The following SLC9A9 variants were observed in gnomAD, a reference collection of about 807,000 sequenced individuals.
SLC9A9 encodes the protein solute carrier family 9 member A9.
A neutral mutation model predicts 77.8 loss-of-function variants in SLC9A9; 62 were observed. The observed-to-expected ratio is 0.80, with a 90% CI of 0.65 to 0.98. The LOEUF is 0.98. SLC9A9 is among the 50% of genes least tolerant of loss of function. The probability of loss-of-function intolerance (pLI) is 0.00; values close to 1 mark genes in which losing one functional copy is unlikely to be tolerated. For synonymous variants in SLC9A9, 320 were observed against 283.5 expected, an observed-to-expected ratio of 1.13 and a Z score of -1.29; for missense variants, 775 against 774.9, an observed-to-expected ratio of 1.00 and a Z score of 0.00.
At chr3:143,292,254 A>G (rs2030029977) in intron 14 of SLC9A9, among the ~76,000 whole-genome samples, 1 of 152,254 alleles carries the variant, frequency 6.6e-6, no homozygotes, top group South Asian at 2.1e-4. Context: ...ACTTCAGGTC[A>G]GGTTTGACCT....
At chr3:143,791,939 A>AT (rs1290191903) in intron 4 of SLC9A9, among the ~76,000 whole-genome samples, 1 of 152,140 alleles carries the variant, frequency 6.6e-6, no homozygotes, top group African/African-American at 2.4e-5. Flanking sequence ...ATACAATTTC[A>AT]TTTTTTTGGT....
chr3:143,425,759 A>C (rs909389891), intron 12 of SLC9A9, among the ~76,000 whole-genome samples: 2 of 152,192 alleles, frequency 1.3e-5, no homozygotes, highest in African/African-American at 4.8e-5. Context: ...ATAGCCTCTG[A>C]CAAGGCCTTT....
chr3:143,640,763 G>A (rs1371635927), intron 6 of SLC9A9, among the ~76,000 whole-genome samples: 8 of 152,070 alleles, frequency 5.3e-5, no homozygotes, highest in African/African-American at 1.9e-4. Flanking sequence ...GAGGTGGGAG[G>A]ATCCCTTGAA....
intron 13 of SLC9A9, among the ~76,000 whole-genome samples, chr3:143,366,387 G>C (rs1447355171): frequency 6.6e-6 from 1 of 152,190 alleles, no homozygotes; most frequent in African/African-American, 2.4e-5. Flanking sequence ...CACACCACTA[G>C]AAGGTAACAA....
chr3:143,780,769 A>C (rs1221239522), intron 4 of SLC9A9, among the ~76,000 whole-genome samples: 1 of 152,238 alleles, frequency 6.6e-6, no homozygotes, highest in African/African-American at 2.4e-5. Context: ...AAGTGGACAG[A>C]GTCCTAGATT....
At chr3:143,374,063 C>A (rs535363909) in intron 13 of SLC9A9, among the ~76,000 whole-genome samples, 4 of 151,800 alleles carry the variant, frequency 2.6e-5, no homozygotes, top group African/African-American at 9.7e-5. Flanking sequence ...TTTAAAGCAA[C>A]CAGGGAAAGA....
At chr3:143,714,137 C>T (rs990394185) in intron 4 of SLC9A9, among the ~76,000 whole-genome samples, 2 of 152,166 alleles carry the variant, frequency 1.3e-5, no homozygotes, top group Non-Finnish European at 2.9e-5. Flanking sequence ...TTAACTCCTC[C>T]GAATTGGGAC....
intron 12 of SLC9A9, among the ~76,000 whole-genome samples, chr3:143,419,125 G>A (rs1576484515): frequency 6.6e-6 from 1 of 152,150 alleles, no homozygotes. Flanking sequence ...TGTGACTTTG[G>A]TTACTATATT....
chr3:143,730,823 C>T (rs1014656008), intron 4 of SLC9A9, among the ~76,000 whole-genome samples: 3 of 151,868 alleles, frequency 2.0e-5, no homozygotes, highest in African/African-American at 7.3e-5. Flanking sequence ...CTTACACCCA[C>T]ACCACTACTA....
chr3:143,544,380 C>T lies in SLC9A9; in HGVS notation c.1089+7982G>A, dbSNP rs375501874. Among the ~76,000 whole-genome samples the T allele has an allele frequency of 2.0e-5, 3 of 152,110 alleles. No individual in the cohort carries two copies. The South Asian group carries it at 6.2e-4, about 32-fold the overall frequency. ...TAGCTGGGACTATAGGCGCCTGCCA[C>T]CACGCTCGGCTAATTTTTTTGTATT... is the stretch of plus-strand genomic sequence containing the variant. On this transcript the variant is annotated intron_variant, in intron 9 of 15. Coordinates refer to ENST00000316549, the MANE Select transcript of SLC9A9 (RefSeq NM_173653.4).
intron 12 of SLC9A9, among the ~76,000 whole-genome samples, chr3:143,406,676 C>G (rs1258770364): frequency 2.0e-5 from 3 of 151,988 alleles, no homozygotes; most frequent in Non-Finnish European, 4.4e-5. Context: ...CCCAATGATG[C>G]TAAAAAAGAC....
chr3:143,444,559 T>C (rs948195318), intron 12 of SLC9A9, among the ~76,000 whole-genome samples: 1 of 152,204 alleles, frequency 6.6e-6, no homozygotes, highest in Non-Finnish European at 1.5e-5. Flanking sequence ...GACTTTTTAA[T>C]AGTCTCAGAT....
chr3:143,440,605 G>T (rs932253660), intron 12 of SLC9A9, among the ~76,000 whole-genome samples: 1 of 152,110 alleles, frequency 6.6e-6, no homozygotes, highest in Non-Finnish European at 1.5e-5. Flanking sequence ...TATCCCACCG[G>T]GTAAATGAAG....
chr3:143,274,527 G>A (rs1044452738), intron 14 of SLC9A9, among the ~76,000 whole-genome samples: 1 of 152,102 alleles, frequency 6.6e-6, no homozygotes, highest in Non-Finnish European at 1.5e-5. Flanking sequence ...AATTTCCATG[G>A]TGTATAAATA....
chr3:143,629,562 C>CGTGTGTGTGCGTGTGT (rs1259556043), intron 6 of SLC9A9, among the ~76,000 whole-genome samples: 1 of 149,798 alleles, frequency 6.7e-6, no homozygotes, highest in Non-Finnish European at 1.5e-5. Flanking sequence ...AGTATATGTG[C>CGTGTGTGTGCGTGTGT]GTGTGTGTGC....
chr3:143,524,769 G>A (rs1164212567), intron 9 of SLC9A9, among the ~76,000 whole-genome samples: 3 of 152,164 alleles, frequency 2.0e-5, no homozygotes, highest in Non-Finnish European at 2.9e-5. Context: ...GTGACTTTAC[G>A]AAGTGATTAA....
At chr3:143,273,707 C>A (rs1041155474) in intron 14 of SLC9A9, among the ~76,000 whole-genome samples, 2 of 152,174 alleles carry the variant, frequency 1.3e-5, no homozygotes, top group Non-Finnish European at 2.9e-5. Flanking sequence ...GAACTTGCCT[C>A]ATCATGAAAA....
chr3:143,670,710 C>T (rs2039143223), intron 5 of SLC9A9, among the ~76,000 whole-genome samples: 1 of 152,172 alleles, frequency 6.6e-6, no homozygotes, highest in African/African-American at 2.4e-5. Context: ...TACAAAGCTG[C>T]CTGGATTACC....
At chr3:143,837,211 C>A (rs191399442) in intron 1 of SLC9A9, among the ~76,000 whole-genome samples, 234 of 152,340 alleles carry the variant, frequency 1.5e-3, no homozygotes, top group African/African-American at 5.6e-3. Context: ...GAGTTCCCTG[C>A]TGCTTGGCAC....
Sources: allele counts gnomAD v4.1 joint callset (sites outside exome capture counted in the v4.1 genomes callset), GRCh38; gene constraint gnomAD v4.1.1; transcripts MANE v1.5; gene names NCBI Gene and HGNC (gene_info 2026-07-23, HGNC 2026-07-21).